MFAP3L: variants seen among roughly 807,000 people sequenced by gnomAD.
MFAP3L encodes microfibril associated protein 3 like, also known as microfibrillar-associated protein 3-like.
In MFAP3L, 5 loss-of-function variants were observed where a neutral mutation model predicts 20.0. The observed-to-expected ratio is 0.25, with a 90% confidence interval of 0.13 to 0.53. The LOEUF is 0.53. Among genes scored for constraint, MFAP3L ranks in the 20% least tolerant of loss-of-function variants. The pLI is 0.96. For missense variants in MFAP3L, 409 were observed against 527.5 expected, an observed-to-expected ratio of 0.78 and a Z score of 2.20; for synonymous variants, 219 against 213.0, an observed-to-expected ratio of 1.03 and a Z score of -0.25.
intron 1 of MFAP3L, among the ~76,000 whole-genome samples, chr4:170,008,318 C>T (rs917957840): frequency 1.2e-4 from 19 of 152,140 alleles, no homozygotes; most frequent in African/African-American, 3.4e-4. Flanking sequence ...TGTATCACAG[C>T]GTTTTGCTCT....
chr4:170,018,262 G>T (rs554539621), intron 1 of MFAP3L, among the ~76,000 whole-genome samples: 64 of 152,260 alleles, frequency 4.2e-4, no homozygotes, highest in African/African-American at 1.5e-3. Context: ...GACAAATAAG[G>T]GTAGAAAGAA....
At chr4:170,005,322 T>G (rs1738957550) in intron 2 of MFAP3L, 1 of 551,602 alleles carries the variant, frequency 1.8e-6, no homozygotes, top group Non-Finnish European at 3.2e-6. Context: ...ATGTATTGGA[T>G]GTATTATATT....
At chr4:170,005,518 TGC>T in intron 2 of MFAP3L, 60 bp downstream of exon 2, 4 of 1,523,942 alleles carry the variant, frequency 2.6e-6, no homozygotes, top group African/African-American at 1.4e-5. Context: ...ACATCACGGG[TGC>T]TGGCTCCAAA....
At chr4:170,003,910 G>GT in intron 2 of MFAP3L, 1 of 922,562 alleles carries the variant, frequency 1.1e-6, no homozygotes, top group Non-Finnish European at 1.3e-6. Context: ...TGGGCTAGGG[G>GT]TTGTGTTCCC....
At position 169,994,359 on chromosome 4, in the gene MFAP3L, C is replaced by T. The variant is rs569850704; in HGVS notation, c.299-2050G>A. On this transcript the variant is annotated intron_variant, in intron 2 of 2. Coordinates refer to ENST00000361618, the MANE Select transcript of MFAP3L (RefSeq NM_021647.8). The stretch of plus-strand genomic sequence containing the variant: ...AATATAAGGATAAAGTAGTCTGAAC[C>T]TGGGTACAGAAGAGGAGAACACTAA... 4 of 985,316 alleles carry T rather than the reference C, an allele frequency of 4.1e-6. No individual in the cohort carries two copies. In the African/African-American group the frequency reaches 7.0e-5, roughly 17 times the overall value. The allele number at this position is 985,316 out of a possible 1,614,324, so 61.0% of individuals were successfully genotyped here.
intron 2 of MFAP3L, chr4:170,002,302 G>T: frequency 1.1e-6 from 1 of 945,558 alleles, no homozygotes; most frequent in Non-Finnish European, 1.3e-6. Context: ...CATACCCTCT[G>T]GTTTCACCTG....
At chr4:170,006,049 T>A in intron 1 of MFAP3L, 39 bp from the exon 2 acceptor site, 2 of 1,366,754 alleles carry the variant, frequency 1.5e-6, no homozygotes, top group Non-Finnish European at 1.9e-6. Context: ...ACATAAACAT[T>A]AGCATTCATC....
At position 169,991,569 on chromosome 4, in the gene MFAP3L, C is replaced by T; in HGVS notation, c.1039G>A (p.Glu347Lys). 6.2e-7 allele frequency: 1 copy of T among 1,614,164 alleles called. No individual in the cohort carries two copies. Among genetic ancestry groups the T allele is most frequent in the Non-Finnish European group, 8.5e-7 (1 of 1,180,046 alleles). The change falls in exon 3 of 3, where the codon GAA becomes AAA. Residue 347 changes from glutamate (E) to lysine (K), a missense_variant. Glu to Lys is a moderately conservative substitution (Grantham distance 56). Around this residue, in one of 3 missense-constraint regions of MFAP3L, gnomAD observed 169 missense variants for 178.2 expected, o/e 0.95. Transcript: ENST00000361618. This position sits in a 1 kb window ranked among gnomAD's most constrained non-coding sequence, Gnocchi z 4.9. ...TCGGGGGAATGTTCCGCCGACAGTT[C>T]TGTCTCCTCTACATCTTTGACTTCA... Reference protein sequence around the residue: ...QFEVKDVEETELSAEHSPETA... With the variant: ...QFEVKDVEETKLSAEHSPETA...
intron 1 of MFAP3L, among the ~76,000 whole-genome samples, chr4:170,023,567 C>T (rs1055302040): frequency 6.6e-6 from 1 of 152,184 alleles, no homozygotes; most frequent in African/African-American, 2.4e-5. Flanking sequence ...CCATTTCTAA[C>T]CGCAATGTGA....
chr4:169,994,064 G>T, intron 2 of MFAP3L: 2 of 620,388 alleles, frequency 3.2e-6, no homozygotes, highest in African/African-American at 2.0e-5. Context: ...TAATTTGCAT[G>T]TCTTATAAAA....
upstream of MFAP3L, chr4:170,026,579 C>G (rs969618658): frequency 2.0e-5 from 3 of 151,888 alleles, no homozygotes; most frequent in Non-Finnish European, 4.4e-5. Context: ...AGCGGCCCCG[C>G]GGAGGAGCCA....
At chr4:170,014,424 G>C (rs1739572732) in intron 1 of MFAP3L, among the ~76,000 whole-genome samples, 1 of 152,192 alleles carries the variant, frequency 6.6e-6, no homozygotes, top group Non-Finnish European at 1.5e-5. Flanking sequence ...TGGAAGCCTG[G>C]ACACATCAGT....
chr4:169,999,247 T>C (rs191670131), intron 2 of MFAP3L, among the ~76,000 whole-genome samples: 29 of 152,284 alleles, frequency 1.9e-4, no homozygotes, highest in Non-Finnish European at 1.5e-5. Context: ...AGCTAATTCT[T>C]ACATCATGTA....
At chr4:170,000,077 G>A (rs867918058) in intron 2 of MFAP3L, among the ~76,000 whole-genome samples, 2 of 152,156 alleles carry the variant, frequency 1.3e-5, no homozygotes, top group East Asian at 3.8e-4. Flanking sequence ...TGAGAACCAC[G>A]GGGTTAGGCA....
chr4:170,011,353 G>T (rs1402904832), intron 1 of MFAP3L, among the ~76,000 whole-genome samples: 1 of 152,202 alleles, frequency 6.6e-6, no homozygotes, highest in Non-Finnish European at 1.5e-5. Context: ...TGATAAATCA[G>T]TTAAGTCCTA....
chr4:169,999,223 G>C (rs1049131252), intron 2 of MFAP3L, among the ~76,000 whole-genome samples: 6 of 152,192 alleles, frequency 3.9e-5, no homozygotes, highest in African/African-American at 1.4e-4. Flanking sequence ...GAGAGGACTA[G>C]GGCAGCTCTA....
At chr4:170,011,054 T>C (rs1472704228) in intron 1 of MFAP3L, among the ~76,000 whole-genome samples, 1 of 152,192 alleles carries the variant, frequency 6.6e-6, no homozygotes, top group African/African-American at 2.4e-5. Context: ...CTAACGGTTT[T>C]ATAAATGGGA....
chr4:169,988,682 G>A lies in MFAP3L; in HGVS notation c.*2696C>T, dbSNP rs1302218123. 4 of 152,216 alleles carry A rather than the reference G, an allele frequency of 2.6e-5. No individual in the cohort carries two copies. Among genetic ancestry groups the A allele is most frequent in the Non-Finnish European group, 5.9e-5 (4 of 68,034 alleles). The allele number at this position is 152,216 out of a possible 1,614,324, so 9.4% of individuals were successfully genotyped here. A position where few individuals can be genotyped will look rare whatever the true frequency, so the allele number is the denominator to read the frequency against. On this transcript the variant is annotated 3_prime_UTR_variant, in exon 3 of 3. Transcript: ENST00000361618. The stretch of plus-strand genomic sequence containing the variant: ...GGGCCTCTCATTTCATAAAGAAGCT[G>A]TAGGATGGATAGGAAGAGTGTAGCA...
upstream of MFAP3L, chr4:170,027,117 ATTTT>A (rs1485771784): frequency 6.6e-6 from 1 of 151,010 alleles, no homozygotes; most frequent in Non-Finnish European, 1.5e-5. Flanking sequence ...CCATAAGTTG[ATTTT>A]TTAATTAAAA....
Sources: allele counts gnomAD v4.1 joint callset (sites outside exome capture counted in the v4.1 genomes callset), GRCh38; gene constraint gnomAD v4.1.1; regional missense constraint gnomAD v4.1.1; non-coding constraint Gnocchi (gnomAD v3.1); transcripts MANE v1.5; gene names NCBI Gene and HGNC (gene_info 2026-07-23, HGNC 2026-07-21).